The following CLCN6 variants were observed in gnomAD, a reference collection of about 807,000 sequenced individuals.
The protein encoded by CLCN6 is H(+)/Cl(-) exchange transporter 6.
CLCN6 carries 70 observed loss-of-function variants against 109.8 expected under a neutral mutation model. That is an observed-to-expected ratio of 0.64 (90% CI 0.53 to 0.78). CLCN6 has a LOEUF of 0.78. CLCN6 is among the 30% of genes least tolerant of loss of function. CLCN6 has a pLI of 0.00. For synonymous variants in CLCN6, 444 were observed against 447.8 expected (o/e 0.99, Z 0.11); for missense variants, 984 against 1,142.3 (o/e 0.86, Z 2.00).
intron 5 of CLCN6, among the ~76,000 whole-genome samples, chr1:11,822,452 A>G (rs929845882): frequency 1.3e-5 from 2 of 152,154 alleles, no homozygotes; most frequent in Admixed American, 1.3e-4. Flanking sequence ...TACATTGCCC[A>G]GGCTGGCCTC....
In CLCN6 at chr1:11,834,058, G is replaced by GCATGTGCATGTGTGTGCA. The variant is rs761462860; in HGVS notation, c.1526+30_1526+47dup. 8.7e-6 allele frequency: 14 copies of GCATGTGCATGTGTGTGCA among 1,609,418 alleles called. No individual in the cohort carries two copies. Among genetic ancestry groups the GCATGTGCATGTGTGTGCA allele is most frequent in the Non-Finnish European group, 9.3e-6 (11 of 1,177,580 alleles). On this transcript the variant is annotated intron_variant, in intron 15 of 22. Coordinates refer to ENST00000346436, the MANE Select transcript of CLCN6 (RefSeq NM_001286.5). The surrounding 1 kb of genome is among the most constrained non-coding windows in gnomAD (Gnocchi z 4.5). ...ACTCTGTGTGTGTGCGTGTGTGTGC[G>GCATGTGCATGTGTGTGCA]CATGTGCATGTGTGTGCACGTGTGC...
rs1217462605 is a variant in CLCN6 at position 11,842,273 on chromosome 1, T to G, written c.*2050T>G. ...TCCCTCGTGCACATCCTGTTGTGTTTAAGTCACCAGATATTTTGTTCCCAT... is the reference window on the plus strand; with the variant it reads ...TCCCTCGTGCACATCCTGTTGTGTTGAAGTCACCAGATATTTTGTTCCCAT... On this transcript the variant is annotated 3_prime_UTR_variant, in exon 23 of 23. Transcript: ENST00000346436. The G allele has an allele frequency of 6.6e-6, 1 of 152,610 alleles. No homozygotes were observed. Among genetic ancestry groups the G allele is most frequent in the African/African-American group, 2.4e-5 (1 of 41,450 alleles). 9.5% of individuals were successfully genotyped at this position (152,610 alleles called of 1,614,324 possible). A position where few individuals can be genotyped will look rare whatever the true frequency, so the allele number is the denominator to read the frequency against.
intron 2 of CLCN6, among the ~76,000 whole-genome samples, chr1:11,808,500 A>G (rs1029053517): frequency 2.0e-5 from 3 of 152,202 alleles, no homozygotes; most frequent in Non-Finnish European, 4.4e-5. Flanking sequence ...ATAACCCAAT[A>G]CTATTACCAC....
Position 11,840,137 on chromosome 1 carries a change from C to T in CLCN6, c.2530-6C>T. The T allele has an allele frequency of 1.2e-6, 2 of 1,613,560 alleles. No homozygotes were observed. The highest frequency in any genetic ancestry group is 1.3e-5 in the African/African-American group (1 of 75,058). The stretch of plus-strand genomic sequence containing the variant: ...GAAGGTGACTCAGGCCTTCTCTTTG[C>T]CCTAGATCGTGGGGATCATCACACG... On this transcript the variant is annotated splice_polypyrimidine_tract_variant and splice_region_variant and intron_variant, in intron 22 of 22. Transcript: ENST00000346436.
chr1:11,823,106 C>T (rs1644766653), intron 6 of CLCN6, among the ~76,000 whole-genome samples: 1 of 152,194 alleles, frequency 6.6e-6, no homozygotes, highest in African/African-American at 2.4e-5. Context: ...ATGTCCCAAA[C>T]CTCAGCATCA....
intron 22 of CLCN6, chr1:11,839,117 C>T: frequency 1.7e-6 from 1 of 586,492 alleles, no homozygotes; most frequent in South Asian, 2.2e-5. Flanking sequence ...CAAATATTTT[C>T]TTATTACACA....
Position 11,833,884 on chromosome 1 carries a change from C to G in CLCN6, c.1380C>G (p.Phe460Leu), listed in dbSNP as rs766632894. The change falls in exon 15 of 23, where the codon TTC becomes TTG. Residue 460 changes from phenylalanine (F) to leucine (L), a missense_variant. Physicochemically the swap from Phe to Leu is conservative, Grantham distance 22. Transcript: ENST00000346436. ...ILQLFHQDGTFSPVTLALFFV... is the reference protein window; with the variant it reads ...ILQLFHQDGTLSPVTLALFFV... Reference sequence around the variant, plus strand: ...TTGGCTCTTCCCTTGCAGGTACTTTCAGCCCCGTCACTCTGGCCTTGTTCT... The same window carrying G: ...TTGGCTCTTCCCTTGCAGGTACTTTGAGCCCCGTCACTCTGGCCTTGTTCT... 4 of 1,610,284 alleles carry G rather than the reference C, an allele frequency of 2.5e-6. No homozygotes were observed. The highest frequency in any genetic ancestry group is 2.2e-5 in the South Asian group (2 of 90,636).
At chr1:11,816,579 C>T in intron 3 of CLCN6, 36 bp from the exon 4 acceptor site, 2 of 1,592,700 alleles carry the variant, frequency 1.3e-6, no homozygotes, top group Non-Finnish European at 1.7e-6. Flanking sequence ...CCACCATAAC[C>T]CTGTAAACTG....
intron 5 of CLCN6, among the ~76,000 whole-genome samples, chr1:11,822,403 C>T (rs946577123): frequency 6.6e-6 from 1 of 152,022 alleles, no homozygotes; most frequent in African/African-American, 2.4e-5. Flanking sequence ...GGACCATAGG[C>T]ATATACCTTT....
intron 22 of CLCN6, chr1:11,839,056 G>T: frequency 1.7e-6 from 1 of 598,878 alleles, no homozygotes; most frequent in South Asian, 2.1e-5. Flanking sequence ...AATTATTGCT[G>T]CAGACTTTCC....
At chr1:11,817,532 A>G (rs763978980) in intron 4 of CLCN6, among the ~76,000 whole-genome samples, 2 of 152,218 alleles carry the variant, frequency 1.3e-5, no homozygotes, top group Non-Finnish European at 2.9e-5. Context: ...ATGGCCAAAG[A>G]TGAGGATAGC....
At chr1:11,825,520 T>G (rs111997426) in intron 8 of CLCN6, among the ~76,000 whole-genome samples, 10 of 152,364 alleles carry the variant, frequency 6.6e-5, no homozygotes, top group African/African-American at 2.4e-4. Flanking sequence ...TTCAGACTTG[T>G]TGACTCTGCA....
chr1:11,837,448 G>T lies in CLCN6; in HGVS notation c.2244G>T (p.Ser748=). The T allele has an allele frequency of 1.2e-6, 2 of 1,614,122 alleles. No homozygotes were observed. Among genetic ancestry groups the T allele is most frequent in the South Asian group, 1.1e-5 (1 of 91,086 alleles). Residue 748 remains serine, a synonymous_variant, in exon 20 of 23, where the codon TCG becomes TCT. Transcript: ENST00000346436. The part of the protein sequence containing the change: ...PLTFHGLILR[S]QLVTLLVRGV... ...CCTTCCACGGCCTGATCCTTCGGTCGCAGCTTGTCACCCTGCTTGTCCGAG... is the reference window on the plus strand; with the variant it reads ...CCTTCCACGGCCTGATCCTTCGGTCTCAGCTTGTCACCCTGCTTGTCCGAG...
chr1:11,821,656 A>G (rs1644745674), intron 5 of CLCN6, among the ~76,000 whole-genome samples: 1 of 152,234 alleles, frequency 6.6e-6, no homozygotes, highest in African/African-American at 2.4e-5. Context: ...GGAATTCTCA[A>G]AAGAGAAAAA....
chr1:11,816,761 A>C (rs985017942), intron 4 of CLCN6, 81 bp downstream of exon 4: 5 of 953,392 alleles, frequency 5.2e-6, no homozygotes, highest in Non-Finnish European at 6.3e-6. Context: ...GGTGAATAAC[A>C]TTGTCATTTG....
chr1:11,817,178 G>T (rs1360352675), intron 4 of CLCN6, among the ~76,000 whole-genome samples: 1 of 151,982 alleles, frequency 6.6e-6, no homozygotes, highest in African/African-American at 2.4e-5. Flanking sequence ...CTGCAGCCTC[G>T]ACCTTCTGGG....
In CLCN6 at chr1:11,806,358, C is replaced by T; in HGVS notation, c.87+9C>T. 6.6e-7 allele frequency: 1 copy of T among 1,510,478 alleles called. No individual in the cohort carries two copies. The highest frequency in any genetic ancestry group is 8.8e-7 in the Non-Finnish European group (1 of 1,141,300). 93.6% of individuals were successfully genotyped at this position (1,510,478 alleles called of 1,614,324 possible). A position where few individuals can be genotyped will look rare whatever the true frequency, so the allele number is the denominator to read the frequency against. ...GCACCCCCGAGGAGCTGGTAAGAAG[C>T]CGGCGGAGTCGGCCTGGGGAGGGGG... On this transcript the variant is annotated intron_variant, in intron 1 of 22. Coordinates refer to ENST00000346436, the MANE Select transcript of CLCN6 (RefSeq NM_001286.5).
chr1:11,837,646 C>T, intron 20 of CLCN6, 147 bp downstream of exon 20: 3 of 773,398 alleles, frequency 3.9e-6, no homozygotes, highest in African/African-American at 1.7e-5. Context: ...GGAGTCGCCA[C>T]AGCCGGGTGG....
At chr1:11,838,687 A>T in intron 22 of CLCN6, 27 bp downstream of exon 22, 1 of 1,614,040 alleles carries the variant, frequency 6.2e-7, no homozygotes, top group Non-Finnish European at 8.5e-7. Flanking sequence ...CCCTGCCCCC[A>T]CCTTTGAGAG....
Sources: gnomAD v4.1 joint callset for allele counts (sites outside exome capture counted in the v4.1 genomes callset) on GRCh38, gnomAD v4.1.1 for gene constraint, Gnocchi (gnomAD v3.1) non-coding constraint, MANE v1.5 for transcripts, NCBI Gene and HGNC (gene_info 2026-07-23, HGNC 2026-07-21) for gene names.